TRAF3: variants seen among roughly 807,000 people sequenced by gnomAD.
TRAF3 encodes TNF receptor associated factor 3, also known as TNF receptor-associated factor 3.
Under a neutral mutation model 62.3 loss-of-function variants are expected in TRAF3, and 13 were observed. The ratio of observed to expected loss-of-function variants is 0.21; its 90% CI spans 0.14 to 0.33. TRAF3 has a LOEUF of 0.33. Ranked by LOEUF, TRAF3 falls within the 10% of genes least tolerant of loss-of-function variation. The pLI, the probability that TRAF3 is intolerant of heterozygous loss-of-function variation, is 1.00. For synonymous variants in TRAF3, 269 were observed against 283.4 expected (o/e 0.95, Z 0.51); for missense variants, 440 against 741.8 (o/e 0.59, Z 4.73).
chr14:102,895,367 A>G (rs1889948408), intron 9 of TRAF3, among the ~76,000 whole-genome samples: 1 of 152,250 alleles, frequency 6.6e-6, no homozygotes, highest in Non-Finnish European at 1.5e-5. Flanking sequence ...TGATTGCTTC[A>G]AAAGATGTCT....
At chr14:102,904,305 G>A (rs1324749808) in intron 11 of TRAF3, among the ~76,000 whole-genome samples, 1 of 152,186 alleles carries the variant, frequency 6.6e-6, no homozygotes, top group East Asian at 1.9e-4. Context: ...CCTGGGAGGC[G>A]GTGGCCTCAG....
intron 1 of TRAF3, among the ~76,000 whole-genome samples, chr14:102,779,380 TAA>T (rs1897179364): frequency 1.3e-5 from 2 of 150,476 alleles, no homozygotes; most frequent in Non-Finnish European, 2.9e-5. Flanking sequence ...TTGGAATTAA[TAA>T]GATGGCTTCA....
chr14:102,792,661 C>A (rs1443784477), intron 1 of TRAF3, among the ~76,000 whole-genome samples: 3 of 151,170 alleles, frequency 2.0e-5, no homozygotes, highest in African/African-American at 7.3e-5. Flanking sequence ...TTTCATTGTT[C>A]TAGTAATGTA....
chr14:102,841,658 TG>T (rs1449605392), intron 2 of TRAF3, among the ~76,000 whole-genome samples: 5 of 152,172 alleles, frequency 3.3e-5, no homozygotes, highest in Admixed American at 3.3e-4. Flanking sequence ...TTAAAAAGGA[TG>T]TAATAAAACT....
In TRAF3 at chr14:102,792,366, G is replaced by C. The variant is rs140124707; in HGVS notation, c.-157+14691G>C. Among the ~76,000 whole-genome samples, 231 of 151,364 alleles carry C rather than the reference G, an allele frequency of 1.5e-3. 2 individuals carry two copies. In the Middle Eastern group the frequency reaches 0.048, roughly 31 times the overall value. On this transcript the variant is annotated intron_variant, in intron 1 of 11. Transcript: ENST00000392745. ...GGTCTCAAATTCCTCACCTTGAGCA[G>C]TTCTCCTGCCTTAGCCTCCCAGGTA... is the stretch of plus-strand genomic sequence containing the variant.
At chr14:102,855,794 TAA>T (rs59248096) in intron 2 of TRAF3, among the ~76,000 whole-genome samples, 99 of 132,090 alleles carry the variant, frequency 7.5e-4, no homozygotes, top group African/African-American at 8.3e-4. Flanking sequence ...AGACTTTATC[TAA>T]AAAAAAAAAA....
chr14:102,846,849 G>C (rs1886755492), intron 2 of TRAF3, among the ~76,000 whole-genome samples: 2 of 152,022 alleles, frequency 1.3e-5, no homozygotes, highest in African/African-American at 4.8e-5. Context: ...GTTAAAGCTA[G>C]TACTTACTTA....
intron 11 of TRAF3, 32 bp from the exon 12 acceptor site, chr14:102,905,181 C>G: frequency 6.2e-7 from 1 of 1,603,148 alleles, no homozygotes; most frequent in East Asian, 2.2e-5. Flanking sequence ...GTTCACCTGT[C>G]TCATTCACCA....
At chr14:102,850,406 A>G (rs1395157534) in intron 2 of TRAF3, among the ~76,000 whole-genome samples, 1 of 152,220 alleles carries the variant, frequency 6.6e-6, no homozygotes, top group Non-Finnish European at 1.5e-5. Flanking sequence ...CTGCAGAATA[A>G]GAATTGCAGG....
chr14:102,814,589 G>A (rs1345538883), intron 1 of TRAF3, among the ~76,000 whole-genome samples: 1 of 152,126 alleles, frequency 6.6e-6, no homozygotes, highest in Admixed American at 6.5e-5. Flanking sequence ...GCATGATACA[G>A]CTCAGTGCAG....
At chr14:102,824,732 A>C (rs570178862) in intron 1 of TRAF3, among the ~76,000 whole-genome samples, 1 of 152,322 alleles carries the variant, frequency 6.6e-6, no homozygotes, top group South Asian at 2.1e-4. Flanking sequence ...CTAAATTACT[A>C]ATTTCATTAC....
rs955696600 is a variant in TRAF3, at chr14:102,910,347, G to A, written c.*4563G>A. The A allele has an allele frequency of 2.0e-5, 3 of 152,278 alleles. No homozygotes were observed. Among genetic ancestry groups the A allele is most frequent in the Non-Finnish European group, 4.4e-5 (3 of 68,066 alleles). The allele number at this position is 152,278 out of a possible 1,614,324, so 9.4% of individuals were successfully genotyped here. On this transcript the variant is annotated 3_prime_UTR_variant, in exon 12 of 12. Transcript: ENST00000392745. ...AGCCCCCTTGCTTTTGTATCTGTGA[G>A]GTGAATGAGGGTCTGTCACCCAAAT...
intron 1 of TRAF3, among the ~76,000 whole-genome samples, chr14:102,806,735 C>G (rs1195458908): frequency 1.3e-5 from 2 of 152,044 alleles, no homozygotes; most frequent in East Asian, 3.9e-4. Flanking sequence ...TAGAGGGGGC[C>G]TGGCAGGGCT....
Position 102,902,251 on chromosome 14 carries a change from G to C in TRAF3, c.961-1004G>C, listed in dbSNP as rs76606570. 6.9e-3 allele frequency among the ~76,000 whole-genome samples: 1,050 copies of C among 152,348 alleles called. 16 individuals carry two copies. The highest frequency in any genetic ancestry group is 0.024 in the African/African-American group (992 of 41,576). ...CCCTCGCTGGGGCCTGGCAGCCTGA[G>C]TGTGGAGCTGGAGGGGGAAGACCCC... On this transcript the variant is annotated intron_variant, in intron 10 of 11. Transcript: ENST00000392745.
intron 1 of TRAF3, among the ~76,000 whole-genome samples, chr14:102,789,881 G>A (rs1350643509): frequency 6.6e-6 from 1 of 151,598 alleles, no homozygotes; most frequent in African/African-American, 2.4e-5. Flanking sequence ...GTGCAGTGGT[G>A]CAGTGGCATG....
At chr14:102,889,408 C>G in intron 7 of TRAF3, 152 bp from the exon 8 acceptor site, 5 of 754,432 alleles carry the variant, frequency 6.6e-6, no homozygotes. Flanking sequence ...ATATTTACTG[C>G]ATAGAAGTCT....
intron 1 of TRAF3, among the ~76,000 whole-genome samples, chr14:102,816,371 A>G (rs576655888): frequency 1.3e-5 from 2 of 152,254 alleles, no homozygotes; most frequent in Admixed American, 6.5e-5. Context: ...CCAAAGTGCT[A>G]CGATTACATG....
At chr14:102,847,210 G>A (rs891311455) in intron 2 of TRAF3, among the ~76,000 whole-genome samples, 4 of 151,870 alleles carry the variant, frequency 2.6e-5, no homozygotes, top group African/African-American at 9.7e-5. Context: ...TCGCTCTGTC[G>A]CCCAGACTGG....
intron 2 of TRAF3, among the ~76,000 whole-genome samples, chr14:102,838,039 G>A (rs1453730523): frequency 6.6e-6 from 1 of 152,174 alleles, no homozygotes; most frequent in Non-Finnish European, 1.5e-5. Flanking sequence ...TGAGGTAGTC[G>A]CGGTGTGATA....
Sources: gnomAD v4.1 joint callset for allele counts (sites outside exome capture counted in the v4.1 genomes callset) on GRCh38, gnomAD v4.1.1 for gene constraint, MANE v1.5 for transcripts, NCBI Gene and HGNC (gene_info 2026-07-23, HGNC 2026-07-21) for gene names.